Variants in NTM observed in about 807,000 individuals in gnomAD.
The protein encoded by NTM is neurotrimin.
In NTM, 13 loss-of-function variants were observed where a neutral mutation model predicts 42.1. The ratio of observed to expected loss-of-function variants is 0.31; its 90% confidence interval spans 0.20 to 0.49. The LOEUF (loss-of-function observed/expected upper bound fraction) is 0.49, where lower values mean the gene tolerates loss of function less well. Among genes scored for constraint, NTM ranks in the 20% least tolerant of loss-of-function variants. The probability of loss-of-function intolerance (pLI) is 0.99; values close to 1 mark genes in which losing one functional copy is unlikely to be tolerated. For synonymous variants in NTM, 187 were observed against 179.2 expected (o/e 1.04, Z -0.35); for missense variants, 373 against 452.8 (o/e 0.82, Z 1.60).
At chr11:131,804,342 G>A (rs7931838) in intron 1 of NTM, among the ~76,000 whole-genome samples, 5,773 of 152,226 alleles carry the variant, frequency 0.038, 388 homozygotes, top group African/African-American at 0.13. Flanking sequence ...GGGTGAGGGG[G>A]TTGGGGTACG....
At chr11:131,402,329 G>A (rs192943627) in intron 1 of NTM, among the ~76,000 whole-genome samples, 12 of 151,974 alleles carry the variant, frequency 7.9e-5, no homozygotes, top group Non-Finnish European at 1.6e-4. Context: ...TTTATACTGA[G>A]GTGTTCAGAG....
chr11:131,907,454 G>A (rs894223063), intron 1 of NTM, among the ~76,000 whole-genome samples: 4 of 152,176 alleles, frequency 2.6e-5, no homozygotes, highest in African/African-American at 9.6e-5. Context: ...ATTATTAAAG[G>A]GAATATGATT....
chr11:131,562,478 G>A lies in NTM; in HGVS notation c.82+191590G>A, dbSNP rs139533069. 5.9e-4 allele frequency among the ~76,000 whole-genome samples: 90 copies of A among 152,200 alleles called. 1 individual carries two copies. In the East Asian group the frequency reaches 0.015, roughly 25 times the overall value. On this transcript the variant is annotated intron_variant, in intron 1 of 8. Transcript: ENST00000683400. ...TGTCAGTTGCTAAGCCAGGCGTGGA[G>A]GGGAGAGTTCCTGGGTTCCACTGCT...
chr11:131,384,867 T>G (rs1943119526), intron 1 of NTM, among the ~76,000 whole-genome samples: 1 of 152,220 alleles, frequency 6.6e-6, no homozygotes, highest in Admixed American at 6.5e-5. Flanking sequence ...TCCCTCTGGT[T>G]ATGGAAATAC....
At chr11:131,655,039 C>T (rs2066999966) in intron 1 of NTM, among the ~76,000 whole-genome samples, 1 of 152,182 alleles carries the variant, frequency 6.6e-6, no homozygotes, top group Non-Finnish European at 1.5e-5. Context: ...CAACCCCGCC[C>T]CCGCCACTCC....
chr11:131,873,299 G>A (rs1160927884), intron 1 of NTM, among the ~76,000 whole-genome samples: 1 of 151,574 alleles, frequency 6.6e-6, no homozygotes, highest in Non-Finnish European at 1.5e-5. Context: ...CTCATAAGTG[G>A]GAGCTGAACA....
intron 1 of NTM, among the ~76,000 whole-genome samples, chr11:131,748,563 C>T (rs2082101065): frequency 2.6e-5 from 4 of 152,194 alleles, no homozygotes; most frequent in Admixed American, 2.6e-4. Flanking sequence ...GCCCCCTCCT[C>T]CCTGTGCCCA....
chr11:131,552,662 C>T (rs1167817618), intron 1 of NTM, among the ~76,000 whole-genome samples: 2 of 151,718 alleles, frequency 1.3e-5, no homozygotes, highest in African/African-American at 4.8e-5. Flanking sequence ...AAAAAAAATA[C>T]AAAAAATTAG....
chr11:131,518,575 G>A (rs2049187349), intron 1 of NTM, among the ~76,000 whole-genome samples: 1 of 152,124 alleles, frequency 6.6e-6, no homozygotes, highest in Admixed American at 6.5e-5. Context: ...ACACCATTGG[G>A]GAGGAATTTC....
At chr11:131,800,385 C>T (rs566429304) in intron 1 of NTM, among the ~76,000 whole-genome samples, 1 of 152,340 alleles carries the variant, frequency 6.6e-6, no homozygotes, top group South Asian at 2.1e-4. Flanking sequence ...TGAGCTTCAC[C>T]TTCTATCCCT....
At chr11:131,831,719 G>A (rs1388260239) in intron 1 of NTM, among the ~76,000 whole-genome samples, 1 of 152,058 alleles carries the variant, frequency 6.6e-6, no homozygotes, top group Non-Finnish European at 1.5e-5. Flanking sequence ...CTGGATTTGT[G>A]TTCATGCTGT....
intron 1 of NTM, among the ~76,000 whole-genome samples, chr11:131,678,110 C>T (rs930572712): frequency 1.7e-4 from 26 of 152,224 alleles, no homozygotes; most frequent in African/African-American, 4.3e-4. Context: ...TTGCAGCTTC[C>T]GGGGCCCCTG....
intron 1 of NTM, among the ~76,000 whole-genome samples, chr11:131,838,029 T>C (rs1402712873): frequency 1.3e-5 from 2 of 152,146 alleles, no homozygotes; most frequent in Admixed American, 6.5e-5. Flanking sequence ...CTTAATAATA[T>C]ATTTACCACC....
intron 4 of NTM, among the ~76,000 whole-genome samples, chr11:132,275,022 T>A (rs2093651320): frequency 6.6e-6 from 1 of 152,134 alleles, no homozygotes; most frequent in African/African-American, 2.4e-5. Context: ...TGCAAACATT[T>A]CATTTCATTT....
At chr11:131,969,464 A>C (rs2063252266) in intron 2 of NTM, among the ~76,000 whole-genome samples, 1 of 152,244 alleles carries the variant, frequency 6.6e-6, no homozygotes, top group African/African-American at 2.4e-5. Context: ...TCTTCTTGAC[A>C]TATGCTGTTT....
rs139880498 is a variant in NTM at position 131,913,554 on chromosome 11, G to A, written c.167+1906G>A. Among the ~76,000 whole-genome samples, 730 of 152,262 alleles carry A rather than the reference G, an allele frequency of 4.8e-3. 3 individuals are homozygous for A. Among genetic ancestry groups the A allele is most frequent in the Admixed American group, 7.9e-3 (121 of 15,302 alleles). On this transcript the variant is annotated intron_variant, in intron 2 of 8. Transcript: ENST00000683400. ...AGGAGGAGCTTCTTTTTGAAATCGC[G>A]TTATCATGTACTGGCTGACTTATCT...
chr11:131,840,447 G>A (rs1234858498), intron 1 of NTM, among the ~76,000 whole-genome samples: 1 of 152,148 alleles, frequency 6.6e-6, no homozygotes, highest in Non-Finnish European at 1.5e-5. Flanking sequence ...CCAAGTAAGA[G>A]GAGGTCTGAG....
At chr11:131,479,417 C>G (rs1415894126) in intron 1 of NTM, among the ~76,000 whole-genome samples, 1 of 152,056 alleles carries the variant, frequency 6.6e-6, no homozygotes, top group Non-Finnish European at 1.5e-5. Context: ...GGATTCATCA[C>G]AACATGAGAG....
In NTM at chr11:131,975,809, TG is replaced by T. The variant is rs57149188; in HGVS notation, c.167+64163del. Among the ~76,000 whole-genome samples the T allele has an allele frequency of 3.9e-3, 593 of 151,950 alleles. 5 individuals carry two copies. Among genetic ancestry groups the T allele is most frequent in the African/African-American group, 0.014 (573 of 41,464 alleles). On this transcript the variant is annotated intron_variant, in intron 2 of 8. Transcript: ENST00000683400. ...TCATGAGAGGAGAGGATTTCTGGAG[TG>T]GAATTTCAATCTCTGGTCATCAGGA...
Sources: allele counts gnomAD v4.1 joint callset (sites outside exome capture counted in the v4.1 genomes callset), GRCh38; gene constraint gnomAD v4.1.1; transcripts MANE v1.5; gene names NCBI Gene and HGNC (gene_info 2026-07-23, HGNC 2026-07-21).